KATNAL1: variants seen among roughly 807,000 people sequenced by gnomAD.
KATNAL1 encodes katanin catalytic subunit A1 like 1, also known as katanin p60 ATPase-containing subunit A-like 1.
Under a neutral mutation model 55.2 loss-of-function variants are expected in KATNAL1, and 32 were observed. The observed-to-expected ratio is 0.58, with a 90% CI of 0.44 to 0.78. KATNAL1 has a LOEUF of 0.78. KATNAL1 is among the 30% of genes least tolerant of loss of function. The pLI, the probability that KATNAL1 is intolerant of heterozygous loss-of-function variation, is 0.00. For missense variants in KATNAL1, 466 were observed against 600.9 expected (o/e 0.78, Z 2.35); for synonymous variants, 193 against 193.6 (o/e 1.00, Z 0.02).
chr13:30,229,090 C>T (rs1875813990), intron 8 of KATNAL1, among the ~76,000 whole-genome samples: 1 of 152,144 alleles, frequency 6.6e-6, no homozygotes, highest in South Asian at 2.1e-4. Context: ...TTTATCTGTT[C>T]TAATGTTTTG....
At chr13:30,222,470 T>C (rs1454263134) in intron 9 of KATNAL1, among the ~76,000 whole-genome samples, 1 of 152,178 alleles carries the variant, frequency 6.6e-6, no homozygotes, top group Admixed American at 6.5e-5. Flanking sequence ...GTTGGTTCTG[T>C]TTCTCTGCAG....
At position 30,208,707 on chromosome 13, in the gene KATNAL1, T is replaced by TA. The variant is rs1490667518; in HGVS notation, c.1305dup (p.Ile436TyrfsTer14). 6.2e-7 allele frequency: 1 copy of TA among 1,613,014 alleles called. No individual in the cohort carries two copies. Among genetic ancestry groups the TA allele is most frequent in the Non-Finnish European group, 8.5e-7 (1 of 1,179,564 alleles). On this transcript the variant is annotated frameshift_variant, in exon 11 of 11. Coordinates refer to ENST00000380615, the MANE Select transcript of KATNAL1 (RefSeq NM_032116.5). LOFTEE classifies it high-confidence loss of function. ...ATTTCTTCTGGACTTAAGCCATTGA[T>TA]ACGCCGTCTCATTGCCATTAAAGAG...
rs1237218512 is a variant in KATNAL1 at position 30,203,030 on chromosome 13, G to A, written c.*5510C>T. On this transcript the variant is annotated 3_prime_UTR_variant, in exon 11 of 11. Coordinates refer to ENST00000380615, the MANE Select transcript of KATNAL1 (RefSeq NM_032116.5). ...TTTTAGAGAATGAACATAGGAACAT[G>A]TAGGATCCACAATTTTTAATGTCAT... 1.3e-5 allele frequency: 2 copies of A among 152,302 alleles called. No individual in the cohort carries two copies. Among genetic ancestry groups the A allele is most frequent in the South Asian group, 2.1e-4 (1 of 4,828 alleles). The allele number at this position is 152,302 out of a possible 1,614,324, so 9.4% of individuals were successfully genotyped here.
At chr13:30,215,563 G>A (rs1874135097) in intron 9 of KATNAL1, among the ~76,000 whole-genome samples, 1 of 152,128 alleles carries the variant, frequency 6.6e-6, no homozygotes, top group Non-Finnish European at 1.5e-5. Context: ...AAGAAAATGT[G>A]GCACATATAC....
intron 3 of KATNAL1, among the ~76,000 whole-genome samples, chr13:30,276,562 A>G (rs370651411): frequency 6.6e-6 from 1 of 151,698 alleles, no homozygotes; most frequent in South Asian, 2.1e-4. Context: ...AGTAAATATT[A>G]TATTTTCCTA....
intron 1 of KATNAL1, among the ~76,000 whole-genome samples, chr13:30,291,802 G>A (rs1300222888): frequency 1.3e-5 from 2 of 152,100 alleles, no homozygotes; most frequent in African/African-American, 2.4e-5. Context: ...TTGGGAAGCC[G>A]AGGAGAGTGG....
chr13:30,213,972 G>C (rs577256772), intron 9 of KATNAL1, among the ~76,000 whole-genome samples: 8,869 of 151,846 alleles, frequency 0.058, 781 homozygotes, highest in African/African-American at 0.19. Context: ...TAGGAAAAGA[G>C]GAAGTCAAAT....
intron 4 of KATNAL1, among the ~76,000 whole-genome samples, chr13:30,254,262 T>C (rs74696573): frequency 0.021 from 3,252 of 152,364 alleles, 46 homozygotes; most frequent in Non-Finnish European, 0.033. Context: ...TATCCATTTA[T>C]GTGGCTTTTG....
rs193205561 is a variant in KATNAL1, at chr13:30,204,200, A to C, written c.*4340T>G. On this transcript the variant is annotated 3_prime_UTR_variant, in exon 11 of 11. Transcript: ENST00000380615. The stretch of plus-strand genomic sequence containing the variant: ...AGAGAATAGTTAGGATTTTTTCCTC[A>C]TACAAGTTAAGGTGGCCTTTTCTTG... 6.6e-6 allele frequency: 1 copy of C among 152,354 alleles called. No homozygotes were observed. The highest frequency in any genetic ancestry group is 2.4e-5 in the African/African-American group (1 of 41,592). 9.4% of individuals were successfully genotyped at this position (152,354 alleles called of 1,614,324 possible). A position where few individuals can be genotyped will look rare whatever the true frequency, so the allele number is the denominator to read the frequency against.
intron 3 of KATNAL1, among the ~76,000 whole-genome samples, chr13:30,276,422 CAG>C (rs1197892353): frequency 6.6e-6 from 1 of 150,860 alleles, no homozygotes; most frequent in Non-Finnish European, 1.5e-5. Flanking sequence ...GAACCATAAA[CAG>C]AGCTACCAAA....
At chr13:30,296,327 C>G (rs776381218) in intron 1 of KATNAL1, 3 of 1,157,752 alleles carry the variant, frequency 2.6e-6, no homozygotes, top group Non-Finnish European at 3.8e-6. Flanking sequence ...AGTCAGCAGC[C>G]ATGCCGAGGA....
At chr13:30,222,525 A>C (rs142530327) in intron 9 of KATNAL1, among the ~76,000 whole-genome samples, 23 of 152,326 alleles carry the variant, frequency 1.5e-4, no homozygotes, top group African/African-American at 5.5e-4. Context: ...CAGTTAATAC[A>C]TGGACCAGAA....
chr13:30,240,670 G>T (rs1478807878), intron 5 of KATNAL1, 105 bp from the exon 6 acceptor site: 4 of 779,044 alleles, frequency 5.1e-6, no homozygotes, highest in Admixed American at 2.7e-5. Flanking sequence ...TATTCTCATA[G>T]TAAGAACATT....
chr13:30,272,540 A>G (rs1240850587), intron 3 of KATNAL1, among the ~76,000 whole-genome samples: 2 of 152,198 alleles, frequency 1.3e-5, no homozygotes, highest in African/African-American at 4.8e-5. Context: ...CAAAAATGTA[A>G]AAGTAACGTG....
chr13:30,305,613 A>G (rs2137580781), intron 1 of KATNAL1, among the ~76,000 whole-genome samples: 1 of 152,364 alleles, frequency 6.6e-6, no homozygotes, highest in East Asian at 1.9e-4. Flanking sequence ...AAAAATCAGT[A>G]ACTACTTCAC....
chr13:30,221,694 G>C (rs1011110372), intron 9 of KATNAL1, among the ~76,000 whole-genome samples: 1 of 152,190 alleles, frequency 6.6e-6, no homozygotes, highest in Non-Finnish European at 1.5e-5. Context: ...TTCCAGCTTG[G>C]GGTCTGTGAT....
At chr13:30,259,160 C>T (rs1227075404) in intron 3 of KATNAL1, among the ~76,000 whole-genome samples, 2 of 152,054 alleles carry the variant, frequency 1.3e-5, no homozygotes, top group African/African-American at 2.4e-5. Context: ...GCCAACATGG[C>T]GAAACCCTGT....
chr13:30,270,485 G>C (rs1433408365), intron 3 of KATNAL1, among the ~76,000 whole-genome samples: 1 of 152,218 alleles, frequency 6.6e-6, no homozygotes, highest in African/African-American at 2.4e-5. Context: ...AGAAAGCGGG[G>C]AAAGGTGGGG....
intron 1 of KATNAL1, among the ~76,000 whole-genome samples, chr13:30,290,674 A>G (rs1014919443): frequency 1.3e-5 from 2 of 152,236 alleles, no homozygotes; most frequent in Admixed American, 6.5e-5. Context: ...CCTTAAAAAC[A>G]TAGATACAAA....
Sources: gnomAD v4.1 joint callset for allele counts (sites outside exome capture counted in the v4.1 genomes callset) on GRCh38, gnomAD v4.1.1 for gene constraint, MANE v1.5 for transcripts, NCBI Gene and HGNC (gene_info 2026-07-23, HGNC 2026-07-21) for gene names.